KLHL1: variants seen among roughly 807,000 people sequenced by gnomAD.
KLHL1 encodes the protein kelch-like protein 1.
Under a neutral mutation model 77.7 loss-of-function variants are expected in KLHL1, and 47 were observed. The observed-to-expected ratio is 0.60, with a 90% confidence interval of 0.48 to 0.77. The LOEUF (loss-of-function observed/expected upper bound fraction) is 0.77. Ranked by LOEUF, KLHL1 falls within the 30% of genes least tolerant of loss-of-function variation. The pLI is 0.00. For missense variants in KLHL1, 925 were observed against 910.8 expected, an observed-to-expected ratio of 1.02 and a Z score of -0.20; for synonymous variants, 360 against 325.2, an observed-to-expected ratio of 1.11 and a Z score of -1.15.
chr13:69,869,801 A>G (rs1252165112), intron 5 of KLHL1, among the ~76,000 whole-genome samples: 1 of 152,196 alleles, frequency 6.6e-6, no homozygotes, highest in Non-Finnish European at 1.5e-5. Flanking sequence ...CTTCCCTCTA[A>G]GGAATATTTT....
At chr13:69,703,651 G>T (rs548740497) in intron 10 of KLHL1, among the ~76,000 whole-genome samples, 7 of 151,620 alleles carry the variant, frequency 4.6e-5, no homozygotes, top group Admixed American at 4.0e-4. Flanking sequence ...CTTCATTCAG[G>T]TTAAATAAAA....
chr13:69,870,886 A>G (rs1474368132), intron 5 of KLHL1, among the ~76,000 whole-genome samples: 2 of 152,030 alleles, frequency 1.3e-5, no homozygotes, highest in African/African-American at 4.8e-5. Flanking sequence ...TGCTTGGTGC[A>G]GCCCATGTGG....
chr13:69,818,967 G>A (rs1878233001), intron 6 of KLHL1, among the ~76,000 whole-genome samples: 2 of 152,158 alleles, frequency 1.3e-5, no homozygotes, highest in Admixed American at 6.5e-5. Flanking sequence ...AATTGCAAAC[G>A]GTCAGGTTTC....
chr13:69,722,135 A>C (rs9542045), intron 8 of KLHL1, among the ~76,000 whole-genome samples: 137,071 of 152,016 alleles, frequency 0.9, 62,131 homozygotes, highest in East Asian at 0.99. Context: ...ATAGTTTATA[A>C]ATAAACATGA....
At chr13:69,916,127 T>G (rs530209098) in intron 4 of KLHL1, among the ~76,000 whole-genome samples, 30 of 152,078 alleles carry the variant, frequency 2.0e-4, no homozygotes, top group African/African-American at 6.0e-4. Flanking sequence ...TAGGAACACT[T>G]TTACACTGTT....
intron 9 of KLHL1, among the ~76,000 whole-genome samples, chr13:69,717,223 C>T (rs1238264917): frequency 6.6e-6 from 1 of 152,136 alleles, no homozygotes; most frequent in East Asian, 1.9e-4. Context: ...GCATTGCACA[C>T]TATTCTTGCT....
intron 4 of KLHL1, among the ~76,000 whole-genome samples, chr13:69,889,583 C>A (rs1201709493): frequency 3.3e-5 from 5 of 152,086 alleles, no homozygotes; most frequent in Non-Finnish European, 5.9e-5. Flanking sequence ...CACCCTTACT[C>A]TTAAGGTGCT....
chr13:69,716,926 T>A (rs1872787413), intron 9 of KLHL1, among the ~76,000 whole-genome samples: 2 of 152,090 alleles, frequency 1.3e-5, no homozygotes, highest in Non-Finnish European at 2.9e-5. Context: ...TGGACACTGA[T>A]TTTTCCACCA....
At chr13:69,834,120 C>T (rs879744621) in intron 6 of KLHL1, among the ~76,000 whole-genome samples, 2 of 151,856 alleles carry the variant, frequency 1.3e-5, no homozygotes, top group Non-Finnish European at 2.9e-5. Context: ...GGACAAAAGA[C>T]TACACATTGG....
intron 1 of KLHL1, among the ~76,000 whole-genome samples, chr13:70,050,367 A>G (rs1366783078): frequency 6.6e-6 from 1 of 151,874 alleles, no homozygotes; most frequent in Non-Finnish European, 1.5e-5. Flanking sequence ...AAGTTTTATA[A>G]GGTTTAAGAT....
intron 1 of KLHL1, among the ~76,000 whole-genome samples, chr13:70,038,329 G>A (rs1886287827): frequency 6.6e-6 from 1 of 152,072 alleles, no homozygotes; most frequent in African/African-American, 2.4e-5. Context: ...ACTCTTCCAT[G>A]TTTTGCCTAT....
At chr13:69,865,384 T>C (rs1279091860) in intron 5 of KLHL1, among the ~76,000 whole-genome samples, 1 of 152,150 alleles carries the variant, frequency 6.6e-6, no homozygotes, top group African/African-American at 2.4e-5. Context: ...CTACAAGTAG[T>C]TTAATAACTA....
chr13:69,799,488 T>C (rs1323402512), intron 6 of KLHL1, among the ~76,000 whole-genome samples: 1 of 152,246 alleles, frequency 6.6e-6, no homozygotes, highest in East Asian at 1.9e-4. Flanking sequence ...CAGTTTTTCC[T>C]GTAACTTCAG....
chr13:70,108,355 T>C lies in KLHL1; in HGVS notation c.-656A>G. 4.1e-6 allele frequency: 1 copy of C among 242,786 alleles called. No individual in the cohort carries two copies. 15.0% of individuals were successfully genotyped at this position (242,786 alleles called of 1,614,324 possible). A position where few individuals can be genotyped will look rare whatever the true frequency, so the allele number is the denominator to read the frequency against. On this transcript the variant is annotated 5_prime_UTR_variant, in exon 1 of 11. It adds an upstream start codon to the 5' untranslated region. Transcript: ENST00000377844. Reference sequence around the variant, plus strand: ...TGCAATGCCAGAAGAGGTGGTTTTATATAGTCAGTTTGTAAAAGAGAAAAA... The same window carrying C: ...TGCAATGCCAGAAGAGGTGGTTTTACATAGTCAGTTTGTAAAAGAGAAAAA...
chr13:70,082,684 G>T (rs1393377915), intron 1 of KLHL1, among the ~76,000 whole-genome samples: 2 of 152,130 alleles, frequency 1.3e-5, no homozygotes, highest in Non-Finnish European at 2.9e-5. Context: ...TGATGCTGAA[G>T]TTTGGGGTAG....
At chr13:70,087,583 T>C (rs935065178) in intron 1 of KLHL1, among the ~76,000 whole-genome samples, 9 of 151,440 alleles carry the variant, frequency 5.9e-5, no homozygotes, top group Non-Finnish European at 1.3e-4. Context: ...ATGAGAACAT[T>C]GCAAATCCAA....
intron 10 of KLHL1, among the ~76,000 whole-genome samples, chr13:69,702,412 T>C (rs1194444251): frequency 6.6e-6 from 1 of 151,764 alleles, no homozygotes; most frequent in African/African-American, 2.4e-5. Context: ...TGAAAATTTA[T>C]TCTTTGGAGA....
chr13:70,099,099 T>C (rs1208018633), intron 1 of KLHL1, among the ~76,000 whole-genome samples: 2 of 151,962 alleles, frequency 1.3e-5, no homozygotes, highest in East Asian at 3.9e-4. Flanking sequence ...ATTAAAAATA[T>C]GGAATTTTAC....
intron 4 of KLHL1, among the ~76,000 whole-genome samples, chr13:69,936,650 T>G (rs1883197937): frequency 6.6e-6 from 1 of 151,378 alleles, no homozygotes; most frequent in Non-Finnish European, 1.5e-5. Flanking sequence ...TTGAAGCATG[T>G]TTTGAATTTT....
Sources: allele counts gnomAD v4.1 joint callset (sites outside exome capture counted in the v4.1 genomes callset), GRCh38; gene constraint gnomAD v4.1.1; transcripts MANE v1.5; gene names NCBI Gene and HGNC (gene_info 2026-07-23, HGNC 2026-07-21).